FAM185A: variants seen among roughly 807,000 people sequenced by gnomAD.
FAM185A encodes the protein family with sequence similarity 185 member A.
A neutral mutation model predicts 45.7 loss-of-function variants in FAM185A; 21 were observed. The ratio of observed to expected loss-of-function variants is 0.46; its 90% CI spans 0.33 to 0.66. The LOEUF is 0.66. Ranked by LOEUF, FAM185A falls within the 30% of genes least tolerant of loss-of-function variation. The probability of loss-of-function intolerance (pLI) is 0.03; values close to 1 mark genes in which losing one functional copy is unlikely to be tolerated. For missense variants in FAM185A, 305 were observed against 485.4 expected (o/e 0.63, Z 3.49); for synonymous variants, 117 against 194.0 (o/e 0.60, Z 3.30).
At chr7:102,794,169 C>T (rs1469859336) in intron 7 of FAM185A, among the ~76,000 whole-genome samples, 2 of 152,108 alleles carry the variant, frequency 1.3e-5, no homozygotes, top group Non-Finnish European at 2.9e-5. Context: ...GAGCAGGCCC[C>T]AATCTCAGAG....
intron 6 of FAM185A, among the ~76,000 whole-genome samples, chr7:102,785,877 A>G (rs1795757412): frequency 6.6e-6 from 1 of 152,122 alleles, no homozygotes; most frequent in Non-Finnish European, 1.5e-5. Context: ...AGAAACTACC[A>G]TCAGAGTGAA....
Position 102,749,149 on chromosome 7 carries a change from G to A in FAM185A, c.-59G>A, listed in dbSNP as rs968378731. On this transcript the variant is annotated 5_prime_UTR_variant, in exon 1 of 8. It adds an upstream start codon to the 5' untranslated region. Transcript: ENST00000413034. ...GGCACAGTGGCCAAGTCGATTGGCC[G>A]TGGCAAGTGACCCTCCCTGTGGCTG... 6.5e-7 allele frequency: 1 copy of A among 1,546,450 alleles called. No homozygotes were observed. Among genetic ancestry groups the A allele is most frequent in the African/African-American group, 1.4e-5 (1 of 72,992 alleles).
chr7:102,828,575 C>T, the FAM185A span, among the ~76,000 whole-genome samples: 5 of 152,174 alleles, frequency 3.3e-5, no homozygotes, highest in Admixed American at 3.3e-4. Context: ...AGTTACCTCA[C>T]TAAATCCTAT....
rs150491733 is a variant in FAM185A at position 102,780,990 on chromosome 7, G to A, written c.931+3642G>A. 4.0e-3 allele frequency among the ~76,000 whole-genome samples: 615 copies of A among 152,310 alleles called. 5 individuals carry two copies. Among genetic ancestry groups the A allele is most frequent in the African/African-American group, 0.014 (589 of 41,570 alleles). ...ATACTGCTTATTTCCAATGGTCTTA[G>A]CAAACGGCACACCAGGAGATTATAT... On this transcript the variant is annotated intron_variant, in intron 6 of 7. Coordinates refer to ENST00000413034, the MANE Select transcript of FAM185A (RefSeq NM_001145268.2).
At chr7:102,838,074 C>G in the FAM185A span, among the ~76,000 whole-genome samples, 1 of 152,162 alleles carries the variant, frequency 6.6e-6, no homozygotes, top group Admixed American at 6.5e-5. Flanking sequence ...AAGCCCAGTC[C>G]TTCTTCTCAC....
In FAM185A at chr7:102,808,474, A is replaced by G. The variant is rs1380811754; in HGVS notation, c.*72A>G. The G allele has an allele frequency of 1.6e-5, 15 of 932,020 alleles. No homozygotes were observed. The highest frequency in any genetic ancestry group is 1.4e-4 in the South Asian group (10 of 70,032). 57.7% of individuals were successfully genotyped at this position (932,020 alleles called of 1,614,324 possible). On this transcript the variant is annotated 3_prime_UTR_variant, in exon 8 of 8. Coordinates refer to ENST00000413034, the MANE Select transcript of FAM185A (RefSeq NM_001145268.2). ...CTGTGACTACAAAAATGTAAATCCC[A>G]CCATTCATATAAAGGTTGAAAACAA...
intron 6 of FAM185A, among the ~76,000 whole-genome samples, chr7:102,783,259 A>C (rs1795535038): frequency 6.6e-6 from 1 of 152,126 alleles, no homozygotes; most frequent in South Asian, 2.1e-4. Context: ...AAAGTTAACA[A>C]GGATATTCAG....
At chr7:102,846,731 C>A in the FAM185A span, among the ~76,000 whole-genome samples, 1 of 29,152 alleles carries the variant, frequency 3.4e-5, no homozygotes, top group Non-Finnish European at 7.6e-5. Flanking sequence ...CAAATAATAC[C>A]CCAGTGTTGT....
intron 7 of FAM185A, among the ~76,000 whole-genome samples, chr7:102,799,115 C>T (rs776575248): frequency 2.2e-4 from 34 of 152,070 alleles, no homozygotes; most frequent in Non-Finnish European, 3.7e-4. Context: ...TGCAAGGTAC[C>T]GCAAAATCAC....
rs184932747 is a variant in FAM185A, at chr7:102,761,537, C to A, written c.793+126C>A. 1.6e-3 allele frequency: 972 copies of A among 624,482 alleles called. 2 individuals are homozygous for A. Among genetic ancestry groups the A allele is most frequent in the Non-Finnish European group, 1.9e-3 (803 of 418,840 alleles). The allele number at this position is 624,482 out of a possible 1,614,324, so 38.7% of individuals were successfully genotyped here. A position where few individuals can be genotyped will look rare whatever the true frequency, so the allele number is the denominator to read the frequency against. ...AAATAATGAAATGCAGACTAACCATCTTTTTAAAAAAAAAAACCATAAAAA... is the reference window on the plus strand; with the variant it reads ...AAATAATGAAATGCAGACTAACCATATTTTTAAAAAAAAAAACCATAAAAA... On this transcript the variant is annotated intron_variant, in intron 4 of 7. Transcript: ENST00000413034.
chr7:102,766,158 C>G (rs1205081441), intron 4 of FAM185A, among the ~76,000 whole-genome samples: 5 of 152,274 alleles, frequency 3.3e-5, no homozygotes, highest in African/African-American at 1.2e-4. Flanking sequence ...TTTAAACAAA[C>G]TGATTCGATT....
chr7:102,797,844 A>G (rs1257789322), intron 7 of FAM185A, among the ~76,000 whole-genome samples: 1 of 152,214 alleles, frequency 6.6e-6, no homozygotes. Context: ...CCAAATGTAC[A>G]CAAACAAAGA....
chr7:102,752,577 ATT>A (rs59425139), intron 2 of FAM185A, among the ~76,000 whole-genome samples: 9 of 140,246 alleles, frequency 6.4e-5, no homozygotes, highest in African/African-American at 1.0e-4. Flanking sequence ...GCTGTAATTA[ATT>A]TTTTTTTTTT....
At chr7:102,806,667 T>C (rs1178861433) in intron 7 of FAM185A, among the ~76,000 whole-genome samples, 1 of 152,214 alleles carries the variant, frequency 6.6e-6, no homozygotes, top group Non-Finnish European at 1.5e-5. Context: ...AGAAGTGCAG[T>C]GGAACTCCAG....
chr7:102,846,802 C>T, the FAM185A span, among the ~76,000 whole-genome samples: 1 of 151,684 alleles, frequency 6.6e-6, no homozygotes, highest in Non-Finnish European at 1.5e-5. Flanking sequence ...CACAGGCCAC[C>T]TATGCAAGCA....
rs1794097304 is a variant in FAM185A, at chr7:102,761,399, G to C, written c.781G>C (p.Gly261Arg). The part of the protein sequence containing the change: ...LSSAAGDITL[G>R]SVHGNITLQS... ...TTCTGCTGCTGGGGATATTACATTAGGAAGTGTTCATGGTAAGCTGACAAA... is the reference window on the plus strand; with the variant it reads ...TTCTGCTGCTGGGGATATTACATTACGAAGTGTTCATGGTAAGCTGACAAA... Residue 261 changes from glycine to arginine, a missense_variant, in exon 4 of 8, where the codon GGA becomes CGA. Physicochemically the swap from Gly to Arg is moderately radical, Grantham distance 125. Around this residue, in one of 5 missense-constraint regions of FAM185A, gnomAD observed 44 missense variants for 66.8 expected, o/e 0.66. Coordinates refer to ENST00000413034, the MANE Select transcript of FAM185A (RefSeq NM_001145268.2). 1 of 1,524,186 alleles carries C rather than the reference G, an allele frequency of 6.6e-7. No homozygotes were observed. Among genetic ancestry groups the C allele is most frequent in the South Asian group, 1.3e-5 (1 of 78,512 alleles). The allele number at this position is 1,524,186 out of a possible 1,614,324, so 94.4% of individuals were successfully genotyped here.
chr7:102,835,837 C>T, the FAM185A span, among the ~76,000 whole-genome samples: 1 of 151,752 alleles, frequency 6.6e-6, no homozygotes, highest in African/African-American at 2.4e-5. Flanking sequence ...TCTCGATCTC[C>T]TGACCTCGTG....
chr7:102,758,534 G>C (rs1420559080), intron 3 of FAM185A, among the ~76,000 whole-genome samples: 6 of 125,920 alleles, frequency 4.8e-5, no homozygotes, highest in Admixed American at 8.9e-5. Context: ...TGTAGCTTTT[G>C]GTTATTTAGC....
intron 7 of FAM185A, among the ~76,000 whole-genome samples, chr7:102,788,113 C>T (rs1406883520): frequency 2.6e-5 from 4 of 152,054 alleles, no homozygotes; most frequent in Non-Finnish European, 5.9e-5. Context: ...TACAGGCATG[C>T]ACCACCATGC....
Sources: allele counts gnomAD v4.1 joint callset (sites outside exome capture counted in the v4.1 genomes callset), GRCh38; gene constraint gnomAD v4.1.1; regional missense constraint gnomAD v4.1.1; transcripts MANE v1.5; gene names NCBI Gene and HGNC (gene_info 2026-07-23, HGNC 2026-07-21).